The following TRANK1 variants were observed in gnomAD, a reference collection of about 807,000 sequenced individuals.
TRANK1 encodes TPR and ankyrin repeat-containing protein 1.
A neutral mutation model predicts 266.0 loss-of-function variants in TRANK1; 198 were observed. The observed-to-expected ratio is 0.74, with a 90% confidence interval of 0.66 to 0.84. The LOEUF is 0.84. TRANK1 is among the 40% of genes least tolerant of loss of function. The pLI is 0.00. For synonymous variants in TRANK1, 1,396 were observed against 1,384.1 expected (o/e 1.01, Z -0.19); for missense variants, 3,326 against 3,634.6 (o/e 0.92, Z 2.18).
intron 10 of TRANK1, among the ~76,000 whole-genome samples, chr3:36,862,925 A>T (rs1278836173): frequency 6.6e-6 from 1 of 152,160 alleles, no homozygotes; most frequent in Non-Finnish European, 1.5e-5. Flanking sequence ...CTTTTTTGCC[A>T]ATTTTTAGCC....
intron 1 of TRANK1, among the ~76,000 whole-genome samples, chr3:36,939,752 G>GTACTGGATGTACATCAA (rs2080471158): frequency 1.3e-5 from 2 of 152,106 alleles, no homozygotes; most frequent in Admixed American, 1.3e-4. Flanking sequence ...TTCCAGTACA[G>GTACTGGATGTACATCAA]GTACATCTGT....
At position 36,855,246 on chromosome 3, in the gene TRANK1, G is replaced by A. The variant is rs774300749; in HGVS notation, c.4476C>T (p.Thr1492=). ...TCCGGACAGCACACTGCTTGTCTATGGTGTTTCTGCTGGCATAATGGAACA... is the reference window on the plus strand; with the variant it reads ...TCCGGACAGCACACTGCTTGTCTATAGTGTTTCTGCTGGCATAATGGAACA... ...RSLFHYASRN[T]IDKQCAVRKP... is the part of the protein sequence containing the mutation. The change falls in exon 13 of 24, where the codon ACC becomes ACT. Residue 1492 remains threonine, a synonymous_variant. Transcript: ENST00000645898. The A allele has an allele frequency of 2.9e-5, 46 of 1,613,924 alleles. 3 individuals carry two copies. The South Asian group carries it at 4.3e-4, about 15-fold the overall frequency.
Position 36,852,323 on chromosome 3 carries a change from TCCAGATG to T in TRANK1, c.4565_4571del (p.Ala1522GlufsTer37). 1 of 1,585,128 alleles carries T rather than the reference TCCAGATG, an allele frequency of 6.3e-7. No homozygotes were observed. Among genetic ancestry groups the T allele is most frequent in the Non-Finnish European group, 8.5e-7 (1 of 1,170,398 alleles). The stretch of plus-strand genomic sequence containing the variant: ...AATAGAACTGAAGTAAATCCACCAC[TCCAGATG>T]CCAGATTGAGGATTCCTGGAATGAA... On this transcript the variant is annotated frameshift_variant, in exon 14 of 24. Coordinates refer to ENST00000645898, the MANE Select transcript of TRANK1 (RefSeq NM_001329998.2). LOFTEE classifies it high-confidence loss of function.
intron 1 of TRANK1, among the ~76,000 whole-genome samples, chr3:36,940,235 A>C (rs1039282552): frequency 4.7e-5 from 7 of 150,264 alleles, no homozygotes. Flanking sequence ...CAGTGGCTCA[A>C]GCCTGTAATC....
In TRANK1 at chr3:36,903,219, C is replaced by G. The variant is rs2079909658; in HGVS notation, c.212G>C (p.Ser71Thr). The change falls in exon 3 of 24, where the codon AGC becomes ACC. Residue 71 changes from serine to threonine, a missense_variant. Physicochemically the swap from Ser to Thr is moderately conservative, Grantham distance 58. Transcript: ENST00000645898. ...LLCNKSNAFF[S>T]LGKWNEAFVA... ...AAATGCCTCATTCCACTTCCCAAGG[C>G]TGAAAAATGCATTTGATTTGTTGCA... is the stretch of plus-strand genomic sequence containing the variant. 1 of 1,537,358 alleles carries G rather than the reference C, an allele frequency of 6.5e-7. No individual in the cohort carries two copies. The highest frequency in any genetic ancestry group is 2.0e-5 in the Admixed American group (1 of 51,002).
At chr3:36,918,772 A>G (rs1391226186) in intron 1 of TRANK1, among the ~76,000 whole-genome samples, 1 of 152,166 alleles carries the variant, frequency 6.6e-6, no homozygotes, top group Non-Finnish European at 1.5e-5. Context: ...TACGCACACT[A>G]TGTTACATCA....
At chr3:36,877,532 A>T (rs2125579835) in intron 8 of TRANK1, among the ~76,000 whole-genome samples, 1 of 152,324 alleles carries the variant, frequency 6.6e-6, no homozygotes, top group African/African-American at 2.4e-5. Flanking sequence ...CCTTGTTTTC[A>T]ATTGCAAAAT....
chr3:36,877,690 A>G (rs1308291345), intron 8 of TRANK1, among the ~76,000 whole-genome samples: 1 of 152,242 alleles, frequency 6.6e-6, no homozygotes, highest in Non-Finnish European at 1.5e-5. Context: ...ACCTACATTT[A>G]TATTTAAAAG....
chr3:36,856,843 T>A lies in TRANK1; in HGVS notation c.2879A>T (p.Asn960Ile). The change falls in exon 13 of 24, where the codon AAT becomes ATT. Residue 960 changes from asparagine (N) to isoleucine (I), a missense_variant. Coordinates refer to ENST00000645898, the MANE Select transcript of TRANK1 (RefSeq NM_001329998.2). ...KLADSIKAIC[N>I]AYNRGLSCVL... ...ACAGGACAAGCCCCGGTTGTAGGCA[T>A]TGCAGATGGCCTTGATGGAATCAGC... 6.2e-7 allele frequency: 1 copy of A among 1,614,034 alleles called. No individual in the cohort carries two copies. Among genetic ancestry groups the A allele is most frequent in the Non-Finnish European group, 8.5e-7 (1 of 1,179,894 alleles).
At position 36,875,404 on chromosome 3, in the gene TRANK1, G is replaced by A. The variant is rs552909141; in HGVS notation, c.908-1108C>T. On this transcript the variant is annotated intron_variant, in intron 8 of 23. Coordinates refer to ENST00000645898, the MANE Select transcript of TRANK1 (RefSeq NM_001329998.2). ...CAAGAGCAGCCTCTGGCTAATAACCGGCAGAGAAACTGGGATCTCAATCCA... is the reference window on the plus strand; with the variant it reads ...CAAGAGCAGCCTCTGGCTAATAACCAGCAGAGAAACTGGGATCTCAATCCA... Among the ~76,000 whole-genome samples the A allele has an allele frequency of 8.0e-4, 122 of 152,298 alleles. No individual in the cohort carries two copies. In the South Asian group the frequency reaches 0.014, roughly 18 times the overall value.
In TRANK1 at chr3:36,832,188, C is replaced by G; in HGVS notation, c.7395G>C (p.Val2465=). The G allele has an allele frequency of 1.2e-6, 2 of 1,613,992 alleles. No homozygotes were observed. The highest frequency in any genetic ancestry group is 1.7e-6 in the Non-Finnish European group (2 of 1,179,890). ...LLEFQFIHCG[V]VLARLWKNVI... is the part of the protein sequence containing the mutation. ...CATTCTTCCAGAGGCGGGCCAGCAC[C>G]ACCCCACAGTGGATGAACTGGAACT... Residue 2465 remains valine, a synonymous_variant, in exon 22 of 24, where the codon GTG becomes GTC. Transcript: ENST00000645898.
chr3:36,894,450 G>C (rs988110798), intron 5 of TRANK1, among the ~76,000 whole-genome samples: 1 of 152,156 alleles, frequency 6.6e-6, no homozygotes, highest in Admixed American at 6.5e-5. Flanking sequence ...CCTTATCCCA[G>C]GAGAAAATAT....
chr3:36,945,616 TCCA>T (rs925517358), upstream of TRANK1, among the ~76,000 whole-genome samples: 1 of 152,060 alleles, frequency 6.6e-6, no homozygotes, highest in Admixed American at 6.6e-5. Flanking sequence ...GCCTTGTCTT[TCCA>T]CCTCCCCAGT....
At chr3:36,932,332 AG>A (rs1221810872) in intron 1 of TRANK1, among the ~76,000 whole-genome samples, 3 of 152,134 alleles carry the variant, frequency 2.0e-5, no homozygotes, top group Non-Finnish European at 4.4e-5. Flanking sequence ...GCACTTTGGG[AG>A]GTGGAGGTGA....
chr3:36,829,696 G>T, intron 22 of TRANK1, 34 bp from the exon 23 acceptor site: 2 of 1,604,054 alleles, frequency 1.2e-6, no homozygotes, highest in East Asian at 4.5e-5. Flanking sequence ...TCTGAGTAAA[G>T]ATGCCATTGC....
rs1233147217 is a variant in TRANK1 at position 36,832,315 on chromosome 3, G to A, written c.7268C>T (p.Pro2423Leu). The A allele has an allele frequency of 1.2e-6, 2 of 1,613,978 alleles. No homozygotes were observed. Among genetic ancestry groups the A allele is most frequent in the South Asian group, 1.1e-5 (1 of 91,074 alleles). The change falls in exon 22 of 24, where the codon CCA becomes CTA. Residue 2423 changes from proline to leucine, a missense_variant. Transcript: ENST00000645898. ...CIDQFYVYRNPEDYKRLFFRF... is the reference protein window; with the variant it reads ...CIDQFYVYRNLEDYKRLFFRF... The stretch of plus-strand genomic sequence containing the variant: ...GAAAAAGAGCCTCTTGTAGTCTTCT[G>A]GGTTCCTGTACACGTAGAATTGATC...
chr3:36,857,653 C>T lies in TRANK1; in HGVS notation c.2069G>A (p.Cys690Tyr). ...AGGCAGTGTTCTGGCAGTGGCACCA[C>T]ATGGCACTGACTTGAATGAACCCTG... ...KSQGSFKSVP[C>Y]GATARTLPEG... The change falls in exon 13 of 24, where the codon TGT becomes TAT. Residue 690 changes from cysteine (C) to tyrosine (Y), a missense_variant. Transcript: ENST00000645898. This position sits in a 1 kb window ranked among gnomAD's most constrained non-coding sequence, Gnocchi z 4.3. 1.2e-6 allele frequency: 2 copies of T among 1,614,036 alleles called. No individual in the cohort carries two copies. The highest frequency in any genetic ancestry group is 1.7e-6 in the Non-Finnish European group (2 of 1,179,894).
At chr3:36,863,230 C>T (rs1383378349) in intron 10 of TRANK1, among the ~76,000 whole-genome samples, 7 of 152,198 alleles carry the variant, frequency 4.6e-5, no homozygotes, top group Non-Finnish European at 7.3e-5. Context: ...CACAGGAACA[C>T]AGGCCATAAG....
intron 9 of TRANK1, among the ~76,000 whole-genome samples, chr3:36,865,686 A>G (rs2079206936): frequency 6.6e-6 from 1 of 152,170 alleles, no homozygotes; most frequent in South Asian, 2.1e-4. Context: ...AGCCTGAGCA[A>G]CATGGCAAAA....
Sources: gnomAD v4.1 joint callset for allele counts (sites outside exome capture counted in the v4.1 genomes callset) on GRCh38, gnomAD v4.1.1 for gene constraint, Gnocchi (gnomAD v3.1) non-coding constraint, MANE v1.5 for transcripts, NCBI Gene and HGNC (gene_info 2026-07-23, HGNC 2026-07-21) for gene names.